The following PTPN23 variants were observed in gnomAD, a reference collection of about 807,000 sequenced individuals.
PTPN23 encodes protein tyrosine phosphatase non-receptor type 23, also known as tyrosine-protein phosphatase non-receptor type 23.
A neutral mutation model predicts 156.3 loss-of-function variants in PTPN23; 72 were observed. That is an observed-to-expected ratio of 0.46 (90% CI 0.38 to 0.56). PTPN23 has a LOEUF of 0.56. PTPN23 is among the 20% of genes least tolerant of loss of function. PTPN23 has a pLI of 0.00. For missense variants in PTPN23, 1,974 were observed against 2,171.5 expected (o/e 0.91, Z 1.81); for synonymous variants, 957 against 899.6 (o/e 1.06, Z -1.14).
At chr3:47,396,955 G>A (rs1048485727) in intron 2 of PTPN23, among the ~76,000 whole-genome samples, 2 of 152,148 alleles carry the variant, frequency 1.3e-5, no homozygotes, top group Non-Finnish European at 2.9e-5. Flanking sequence ...AAAAGTGAAA[G>A]ATGTGTGACT....
chr3:47,393,637 A>G (rs1031998186), intron 1 of PTPN23, among the ~76,000 whole-genome samples: 1 of 152,222 alleles, frequency 6.6e-6, no homozygotes, highest in Admixed American at 6.5e-5. Context: ...ATCATACCTA[A>G]GAAAATCTAC....
At chr3:47,408,746 A>G (rs1193072623) in intron 15 of PTPN23, 30 bp from the exon 16 acceptor site, 7 of 1,555,008 alleles carry the variant, frequency 4.5e-6, no homozygotes, top group Non-Finnish European at 6.1e-6. Flanking sequence ...AGCCTGCCTC[A>G]GGGGCTGCCT....
In PTPN23 at chr3:47,410,167, C is replaced by T. The variant is rs755971474; in HGVS notation, c.2369C>T (p.Pro790Leu). 53 of 1,595,226 alleles carry T rather than the reference C, an allele frequency of 3.3e-5. No homozygotes were observed. The highest frequency in any genetic ancestry group is 4.4e-5 in the Non-Finnish European group (52 of 1,169,936). ...CCAGGACCCCACTATCTCTCAGGCC[C>T]CTTGCCCCCTGGTACCTACTCGGGC... ...TGPGPHYLSG[P>L]LPPGTYSGPT... The change falls in exon 20 of 25, where the codon CCC becomes CTC. Residue 790 changes from proline (P) to leucine (L), a missense_variant. Pro to Leu is a moderately conservative substitution (Grantham distance 98). This residue lies in a region of PTPN23 where 731 missense variants were observed against 669.1 expected (regional missense o/e 1.09). Transcript: ENST00000265562.
rs760999191 is a variant in PTPN23, at chr3:47,406,753, G to A, written c.807+3G>A. The A allele has an allele frequency of 6.2e-7, 1 of 1,613,500 alleles. No homozygotes were observed. The highest frequency in any genetic ancestry group is 8.5e-7 in the Non-Finnish European group (1 of 1,179,892). Reference sequence around the variant, plus strand: ...AGCAGCAGAAGTTCGGGGAGCGGGTGAGCTACAGCGAGGAGGGGACTGGGG... The same window carrying A: ...AGCAGCAGAAGTTCGGGGAGCGGGTAAGCTACAGCGAGGAGGGGACTGGGG... On this transcript the variant is annotated splice_donor_region_variant and intron_variant, in intron 9 of 24. Coordinates refer to ENST00000265562, the MANE Select transcript of PTPN23 (RefSeq NM_015466.4). The surrounding 1 kb of genome is among the most constrained non-coding windows in gnomAD (Gnocchi z 5.8).
intron 2 of PTPN23, among the ~76,000 whole-genome samples, chr3:47,400,647 C>T (rs1316957388): frequency 2.0e-5 from 3 of 152,024 alleles, no homozygotes; most frequent in Non-Finnish European, 4.4e-5. Flanking sequence ...AACCTCGGCT[C>T]ACCACAACCT....
In PTPN23 at chr3:47,405,414, C is replaced by G; in HGVS notation, c.364+333C>G. 1.9e-6 allele frequency: 1 copy of G among 532,446 alleles called. No individual in the cohort carries two copies. The highest frequency in any genetic ancestry group is 3.4e-6 in the Non-Finnish European group (1 of 296,086). The allele number at this position is 532,446 out of a possible 1,614,324, so 33.0% of individuals were successfully genotyped here. A position where few individuals can be genotyped will look rare whatever the true frequency, so the allele number is the denominator to read the frequency against. ...TGCTTCAGGCAGGAGGAGAGTGTGG[C>G]TGGCCTCAGCTTACCCTGCTAGTCA... On this transcript the variant is annotated intron_variant, in intron 4 of 24. Transcript: ENST00000265562. The surrounding 1 kb of genome is among the most constrained non-coding windows in gnomAD (Gnocchi z 4.7).
intron 1 of PTPN23, among the ~76,000 whole-genome samples, chr3:47,391,245 A>G (rs1704767180): frequency 2.0e-5 from 3 of 152,230 alleles, no homozygotes; most frequent in Non-Finnish European, 4.4e-5. Context: ...TGTCTCGAAA[A>G]TAAAATAAAA....
intron 1 of PTPN23, among the ~76,000 whole-genome samples, chr3:47,393,858 C>T (rs563761624): frequency 6.6e-6 from 1 of 151,594 alleles, no homozygotes; most frequent in Non-Finnish European, 1.5e-5. Context: ...TCCCACCTCT[C>T]CCTCTTGAGT....
At position 47,412,428 on chromosome 3, in the gene PTPN23, A is replaced by C. The variant is rs1559530915; in HGVS notation, c.4317+7A>C. 1 of 1,612,742 alleles carries C rather than the reference A, an allele frequency of 6.2e-7. No individual in the cohort carries two copies. Among genetic ancestry groups the C allele is most frequent in the East Asian group, 2.2e-5 (1 of 44,868 alleles). On this transcript the variant is annotated splice_region_variant and intron_variant, in intron 23 of 24. Coordinates refer to ENST00000265562, the MANE Select transcript of PTPN23 (RefSeq NM_015466.4). ...GCACATGCTGCAGGAGAAGGTGAGGATCTGGGCAGATGGGGCTGGGATGGG... is the reference window on the plus strand; with the variant it reads ...GCACATGCTGCAGGAGAAGGTGAGGCTCTGGGCAGATGGGGCTGGGATGGG...
intron 2 of PTPN23, among the ~76,000 whole-genome samples, chr3:47,403,167 T>C (rs556541997): frequency 3.1e-4 from 47 of 151,350 alleles, no homozygotes; most frequent in African/African-American, 4.9e-4. Flanking sequence ...ATTCTCCTGC[T>C]TCAGCCTCCC....
At chr3:47,404,558 T>A in intron 2 of PTPN23, 94 bp from the exon 3 acceptor site, 1 of 1,530,090 alleles carries the variant, frequency 6.5e-7, no homozygotes. Flanking sequence ...GTCGGCCAGC[T>A]GTGATGCATT....
Position 47,381,172 on chromosome 3 carries a change from G to C in PTPN23, c.76G>C (p.Val26Leu). The change falls in exon 1 of 25, where the codon GTG becomes CTG. Residue 26 changes from valine to leucine, a missense_variant. Physicochemically the swap from Val to Leu is conservative, Grantham distance 32. Coordinates refer to ENST00000265562, the MANE Select transcript of PTPN23 (RefSeq NM_015466.4). The part of the protein sequence containing the change: ...EAGDFHFQPA[V>L]KKFVLKNYGE... ...CGGTGACTTTCACTTCCAGCCAGCT[G>C]TGAAGAAGGTGAGCTTGCCTTCCAT... The C allele has an allele frequency of 6.3e-7, 1 of 1,583,832 alleles. No individual in the cohort carries two copies.
Position 47,412,095 on chromosome 3 carries a change from G to T in PTPN23, c.4075G>T (p.Gly1359Cys). 6.2e-7 allele frequency: 1 copy of T among 1,613,028 alleles called. No individual in the cohort carries two copies. Among genetic ancestry groups the T allele is most frequent in the Non-Finnish European group, 8.5e-7 (1 of 1,179,998 alleles). The change falls in exon 22 of 25, where the codon GGC becomes TGC. Residue 1359 changes from glycine to cysteine, a missense_variant and splice_region_variant. Gly to Cys is a radical substitution (Grantham distance 159, BLOSUM62 -3). Transcript: ENST00000265562. The stretch of plus-strand genomic sequence containing the variant: ...TCCTGGCCCCATCCTGTCCCACAGA[G>T]GCCTGCCCGACAGCCCCAGCAACTT... ...HLHFPTWPEL[G>C]LPDSPSNLLR...
At chr3:47,391,844 C>T (rs955707457) in intron 1 of PTPN23, among the ~76,000 whole-genome samples, 1 of 152,128 alleles carries the variant, frequency 6.6e-6, no homozygotes, top group Non-Finnish European at 1.5e-5. Flanking sequence ...CTCATATAGT[C>T]AAGTTTTACC....
At chr3:47,404,889 A>T in intron 3 of PTPN23, 110 bp downstream of exon 3, 1 of 1,578,106 alleles carries the variant, frequency 6.3e-7, no homozygotes, top group East Asian at 2.3e-5. Flanking sequence ...GAATGGCCTC[A>T]TATGGTCCCC....
At chr3:47,403,317 G>C (rs1164435714) in intron 2 of PTPN23, among the ~76,000 whole-genome samples, 1 of 152,052 alleles carries the variant, frequency 6.6e-6, no homozygotes, top group Non-Finnish European at 1.5e-5. Flanking sequence ...CTCCGAAAGT[G>C]CTGGGATTAC....
chr3:47,384,483 A>G (rs1335182054), intron 1 of PTPN23, among the ~76,000 whole-genome samples: 7 of 147,720 alleles, frequency 4.7e-5, no homozygotes, highest in Non-Finnish European at 1.5e-5. Context: ...AAAGAGTAGA[A>G]GTATTTGCAG....
rs565230778 is a variant in PTPN23 at position 47,413,058 on chromosome 3, G to C, written c.4784G>C (p.Arg1595Pro). The change falls in exon 25 of 25, where the codon CGG becomes CCG. Residue 1595 changes from arginine to proline, a missense_variant. Around this residue, in one of 4 missense-constraint regions of PTPN23, gnomAD observed 484 missense variants for 516.0 expected, o/e 0.94. Transcript: ENST00000265562. ...PEAFSLDSSL[R>P]GKQRMSKHNF... ...GCCTTCTCCCTGGACAGCTCCCTGC[G>C]GGGCAAACAGCGGATGAGCAAGCAT... 4 of 1,612,944 alleles carry C rather than the reference G, an allele frequency of 2.5e-6. No homozygotes were observed. The South Asian group carries it at 4.4e-5, about 18-fold the overall frequency.
chr3:47,407,408 A>T lies in PTPN23; in HGVS notation c.923+41A>T. ...TGGCCCTGGTTCCCTCTTTTTGTGAAGGGTCTTGTCCCTCTGCTGGCATCT... is the reference window on the plus strand; with the variant it reads ...TGGCCCTGGTTCCCTCTTTTTGTGATGGGTCTTGTCCCTCTGCTGGCATCT... On this transcript the variant is annotated intron_variant, in intron 11 of 24. Coordinates refer to ENST00000265562, the MANE Select transcript of PTPN23 (RefSeq NM_015466.4). This position sits in a 1 kb window ranked among gnomAD's most constrained non-coding sequence, Gnocchi z 4.0. 6.2e-7 allele frequency: 1 copy of T among 1,612,138 alleles called. No individual in the cohort carries two copies. The highest frequency in any genetic ancestry group is 8.5e-7 in the Non-Finnish European group (1 of 1,178,654).
Sources: gnomAD v4.1 joint callset for allele counts (sites outside exome capture counted in the v4.1 genomes callset) on GRCh38, gnomAD v4.1.1 for gene constraint, gnomAD v4.1.1 regional missense constraint, Gnocchi (gnomAD v3.1) non-coding constraint, MANE v1.5 for transcripts, NCBI Gene and HGNC (gene_info 2026-07-23, HGNC 2026-07-21) for gene names.